The following ME2 variants were observed in gnomAD, a reference collection of about 807,000 sequenced individuals.
ME2 encodes the protein NAD-dependent malic enzyme, mitochondrial.
A neutral mutation model predicts 73.7 loss-of-function variants in ME2; 60 were observed. The observed-to-expected ratio is 0.81, with a 90% CI of 0.66 to 1.01. The LOEUF (loss-of-function observed/expected upper bound fraction) is 1.01. Among genes scored for constraint, ME2 ranks in the 50% least tolerant of loss-of-function variants. The pLI is 0.00. For synonymous variants in ME2, 199 were observed against 236.9 expected, an observed-to-expected ratio of 0.84 and a Z score of 1.47; for missense variants, 594 against 705.5, an observed-to-expected ratio of 0.84 and a Z score of 1.79.
intron 2 of ME2, among the ~76,000 whole-genome samples, chr18:50,897,301 A>G (rs1916768818): frequency 6.6e-6 from 1 of 152,234 alleles, no homozygotes; most frequent in Admixed American, 6.5e-5. Context: ...TATATTTTAT[A>G]CTTATGGAAA....
intron 1 of ME2, among the ~76,000 whole-genome samples, chr18:50,888,919 G>A (rs1916544371): frequency 6.6e-6 from 1 of 151,934 alleles, no homozygotes; most frequent in Admixed American, 6.6e-5. Context: ...TAGTTTCAGG[G>A]TACGTGTGAT....
chr18:50,946,161 T>C (rs117884793), intron 15 of ME2, among the ~76,000 whole-genome samples: 1,684 of 150,970 alleles, frequency 0.011, 10 homozygotes, highest in Non-Finnish European at 0.018. Context: ...TTCAGAACTT[T>C]ACTGTGTGAG....
intron 1 of ME2, among the ~76,000 whole-genome samples, chr18:50,892,661 C>T (rs1250925538): frequency 6.6e-6 from 1 of 151,632 alleles, no homozygotes; most frequent in Non-Finnish European, 1.5e-5. Context: ...TTGCTGAAGT[C>T]TTCTTATTAG....
chr18:50,949,398 G>C lies in ME2; in HGVS notation c.*2214G>C, dbSNP rs1277067270. 6.6e-6 allele frequency: 1 copy of C among 152,234 alleles called. No homozygotes were observed. The highest frequency in any genetic ancestry group is 1.9e-4 in the East Asian group (1 of 5,194). 9.4% of individuals were successfully genotyped at this position (152,234 alleles called of 1,614,324 possible). On this transcript the variant is annotated 3_prime_UTR_variant, in exon 16 of 16. Transcript: ENST00000321341. ...GGGCGGTGGCTGTTCACAGGCGTGG[G>C]TCATAGAGCACTGCAGCCTGGAACT...
chr18:50,947,421 C>T lies in ME2; in HGVS notation c.*237C>T, dbSNP rs1401129160. 1.1e-5 allele frequency: 5 copies of T among 457,642 alleles called. No homozygotes were observed. Among genetic ancestry groups the T allele is most frequent in the East Asian group, 7.3e-5 (2 of 27,358 alleles). The allele number at this position is 457,642 out of a possible 1,614,324, so 28.3% of individuals were successfully genotyped here. On this transcript the variant is annotated 3_prime_UTR_variant, in exon 16 of 16. Coordinates refer to ENST00000321341, the MANE Select transcript of ME2 (RefSeq NM_002396.5). The stretch of plus-strand genomic sequence containing the variant: ...GATGCTTTAATTCTAACATACAGCC[C>T]GTACCACATCCAGGAGATGTAAAAA...
intron 4 of ME2, 77 bp from the exon 5 acceptor site, chr18:50,916,091 C>T: frequency 1.0e-6 from 1 of 978,228 alleles, no homozygotes; most frequent in South Asian, 1.5e-5. Flanking sequence ...ATTAAAATAT[C>T]AAAATATTTC....
intron 1 of ME2, among the ~76,000 whole-genome samples, chr18:50,891,173 T>C (rs1341708659): frequency 5.4e-4 from 82 of 152,246 alleles, no homozygotes; most frequent in Non-Finnish European, 5.0e-4. Context: ...GTCTGAATTA[T>C]ATTTAATATT....
intron 3 of ME2, among the ~76,000 whole-genome samples, chr18:50,908,786 G>T (rs113584452): frequency 0.11 from 16,862 of 151,674 alleles, 1,182 homozygotes; most frequent in African/African-American, 0.2. Flanking sequence ...GATTACAGGC[G>T]CCCACCACCA....
intron 3 of ME2, among the ~76,000 whole-genome samples, chr18:50,911,922 TAAG>T (rs890804152): frequency 3.5e-4 from 54 of 152,186 alleles, no homozygotes; most frequent in African/African-American, 1.1e-3. Flanking sequence ...TAAAGACTGG[TAAG>T]AAGGCTTTTG....
At chr18:50,904,107 C>A (rs1916953666) in intron 2 of ME2, among the ~76,000 whole-genome samples, 1 of 152,068 alleles carries the variant, frequency 6.6e-6, no homozygotes, top group Admixed American at 6.6e-5. Flanking sequence ...TGTAAAATGT[C>A]CTCTGTAGTA....
chr18:50,934,985 G>A (rs1917783820), intron 13 of ME2: 1 of 152,152 alleles, frequency 6.6e-6, no homozygotes, highest in South Asian at 2.1e-4. Context: ...ATGGAAAGTG[G>A]ACAAGATCGG....
At chr18:50,915,089 C>CCCTCCTCCT (rs57668604) in intron 4 of ME2, among the ~76,000 whole-genome samples, 2 of 150,438 alleles carry the variant, frequency 1.3e-5, no homozygotes, top group South Asian at 4.2e-4. Flanking sequence ...GAAGACCAAC[C>CCCTCCTCCT]CCTCCTCCTC....
At chr18:50,920,900 G>C in intron 9 of ME2, 142 bp downstream of exon 9, 1 of 732,026 alleles carries the variant, frequency 1.4e-6, no homozygotes, top group South Asian at 2.1e-5. Flanking sequence ...GAGTTCTGCT[G>C]TAAAACATGT....
chr18:50,920,918 AAT>A (rs1446915783), intron 9 of ME2, among the ~76,000 whole-genome samples, 154 bp from the exon 10 acceptor site: 1 of 152,226 alleles, frequency 6.6e-6, no homozygotes, highest in African/African-American at 2.4e-5. Flanking sequence ...TGTAATTTAA[AAT>A]ATGTTTCGAG....
intron 10 of ME2, among the ~76,000 whole-genome samples, chr18:50,922,776 C>G (rs1917460317): frequency 6.6e-6 from 1 of 152,188 alleles, no homozygotes; most frequent in African/African-American, 2.4e-5. Context: ...ATCCTAAACA[C>G]TGCCCTTCAT....
Position 50,912,811 on chromosome 18 carries a change from A to G in ME2, c.253A>G (p.Ile85Val), listed in dbSNP as rs773834677. The G allele has an allele frequency of 6.3e-7, 1 of 1,595,304 alleles. No individual in the cohort carries two copies. Among genetic ancestry groups the G allele is most frequent in the South Asian group, 1.1e-5 (1 of 88,744 alleles). The change falls in exon 4 of 16, where the codon ATA (isoleucine) becomes GTA (valine). Residue 85 changes from isoleucine (I) to valine (V), a missense_variant. Ile to Val is a conservative substitution (Grantham distance 29). Coordinates refer to ENST00000321341, the MANE Select transcript of ME2 (RefSeq NM_002396.5). Reference sequence around the variant, plus strand: ...TGTGCTTCATTTCAGATATATCTACATAATGGGAATACAAGAAAGAAATGA... The same window carrying G: ...TGTGCTTCATTTCAGATATATCTACGTAATGGGAATACAAGAAAGAAATGA... ...MTSPLEKYIY[I>V]MGIQERNEKL...
intron 2 of ME2, 30 bp from the exon 3 acceptor site, chr18:50,908,033 A>T: frequency 6.8e-7 from 1 of 1,463,452 alleles, no homozygotes; most frequent in Non-Finnish European, 9.2e-7. Flanking sequence ...GTAAGTAATA[A>T]TTTTTAATCC....
chr18:50,912,798 C>T lies in ME2; in HGVS notation c.243-3C>T. The T allele has an allele frequency of 6.4e-7, 1 of 1,563,558 alleles. No individual in the cohort carries two copies. The highest frequency in any genetic ancestry group is 8.7e-7 in the Non-Finnish European group (1 of 1,150,886). Reference sequence around the variant, plus strand: ...AGACATTATTTACTGTGCTTCATTTCAGATATATCTACATAATGGGAATAC... The same window carrying T: ...AGACATTATTTACTGTGCTTCATTTTAGATATATCTACATAATGGGAATAC... On this transcript the variant is annotated splice_polypyrimidine_tract_variant and splice_region_variant and intron_variant, in intron 3 of 15. Coordinates refer to ENST00000321341, the MANE Select transcript of ME2 (RefSeq NM_002396.5).
chr18:50,906,343 T>C (rs1019372162), intron 2 of ME2, among the ~76,000 whole-genome samples: 5 of 152,164 alleles, frequency 3.3e-5, no homozygotes, highest in African/African-American at 1.2e-4. Context: ...GATGGAGTAT[T>C]GCTCTTTTGC....
Sources: gnomAD v4.1 joint callset for allele counts (sites outside exome capture counted in the v4.1 genomes callset) on GRCh38, gnomAD v4.1.1 for gene constraint, MANE v1.5 for transcripts, NCBI Gene and HGNC (gene_info 2026-07-23, HGNC 2026-07-21) for gene names.